Variants in HMGCL observed in about 807,000 individuals in gnomAD.
HMGCL encodes the protein hydroxymethylglutaryl-CoA lyase, mitochondrial.
Under a neutral mutation model 37.3 loss-of-function variants are expected in HMGCL, and 26 were observed. The observed-to-expected ratio is 0.70, with a 90% confidence interval of 0.51 to 0.97. The LOEUF (loss-of-function observed/expected upper bound fraction) is 0.97, where lower values mean the gene tolerates loss of function less well. HMGCL is among the 50% of genes least tolerant of loss of function. The pLI is 0.00. For missense variants in HMGCL, 379 were observed against 398.1 expected, an observed-to-expected ratio of 0.95 and a Z score of 0.41; for synonymous variants, 151 against 148.0, an observed-to-expected ratio of 1.02 and a Z score of -0.15.
At chr1:23,810,922 G>C (rs1185434809) in intron 5 of HMGCL, 123 bp from the exon 6 acceptor site, 1 of 757,712 alleles carries the variant, frequency 1.3e-6, no homozygotes, top group Non-Finnish European at 2.4e-6. Flanking sequence ...GCTGGGCGGA[G>C]TAAGGGCAGG....
intron 1 of HMGCL, among the ~76,000 whole-genome samples, chr1:23,824,298 T>C (rs1638777234): frequency 6.6e-6 from 1 of 152,204 alleles, no homozygotes; most frequent in Non-Finnish European, 1.5e-5. Context: ...GTGACAGAGC[T>C]TGGACTTGAA....
In HMGCL at chr1:23,817,520, C is replaced by G. The variant is rs121964996; in HGVS notation, c.208G>C (p.Val70Leu). ...IDMLSEAGLS[V>L]IETTSFVSPK... ...GACACAAAGCTGGTGGTTTCTATAA[C>G]AGAGAGTCCTGCTTCAGAAAGCATG... The change falls in exon 3 of 9, where the codon GTT (valine) becomes CTT (leucine). Residue 70 changes from valine to leucine, a missense_variant. By Grantham distance (32) the Val-to-Leu change is conservative. Coordinates refer to ENST00000374490, the MANE Select transcript of HMGCL (RefSeq NM_000191.3). 1.5e-5 allele frequency: 25 copies of G among 1,613,750 alleles called. No individual in the cohort carries two copies. The highest frequency in any genetic ancestry group is 2.0e-5 in the Non-Finnish European group (24 of 1,179,738).
rs1366864365 is a variant in HMGCL, at chr1:23,816,750, G to C, written c.273C>G (p.Val91=). ...WVPQMGDHTE[V]LKGIQKFPGI... Reference sequence around the variant, plus strand: ...CAGGAAACTTCTGAATGCCCTTCAAGACTTCAGTGTGGTCACCCATCTAGG... The same window carrying C: ...CAGGAAACTTCTGAATGCCCTTCAACACTTCAGTGTGGTCACCCATCTAGG... The change falls in exon 4 of 9, where the codon GTC becomes GTG. Residue 91 remains valine, a synonymous_variant. Coordinates refer to ENST00000374490, the MANE Select transcript of HMGCL (RefSeq NM_000191.3). 6.2e-7 allele frequency: 1 copy of C among 1,612,400 alleles called. No homozygotes were observed. The highest frequency in any genetic ancestry group is 8.5e-7 in the Non-Finnish European group (1 of 1,178,406).
Position 23,802,305 on chromosome 1 carries a change from C to T in HMGCL, c.*158G>A. On this transcript the variant is annotated 3_prime_UTR_variant, in exon 9 of 9. Transcript: ENST00000374490. The stretch of plus-strand genomic sequence containing the variant: ...CCTTCTGCCAAGCAGCTCCTCCTGC[C>T]CTTCGCCTGCTTTCTGCCAGGAGAG... The T allele has an allele frequency of 1.5e-6, 1 of 671,154 alleles. No individual in the cohort carries two copies. Among genetic ancestry groups the T allele is most frequent in the South Asian group, 1.6e-5 (1 of 60,948 alleles). 41.6% of individuals were successfully genotyped at this position (671,154 alleles called of 1,614,324 possible). A position where few individuals can be genotyped will look rare whatever the true frequency, so the allele number is the denominator to read the frequency against.
chr1:23,823,733 G>A (rs1638764921), intron 1 of HMGCL, among the ~76,000 whole-genome samples: 1 of 151,826 alleles, frequency 6.6e-6, no homozygotes, highest in Admixed American at 6.6e-5. Flanking sequence ...TTTACTGTAA[G>A]AAATCTAAGG....
Position 23,806,892 on chromosome 1 carries a change from T to C in HMGCL, c.750+1243A>G. 1 of 499,366 alleles carries C rather than the reference T, an allele frequency of 2.0e-6. No individual in the cohort carries two copies. Among genetic ancestry groups the C allele is most frequent in the Non-Finnish European group, 4.0e-6 (1 of 249,864 alleles). The allele number at this position is 499,366 out of a possible 1,614,324, so 30.9% of individuals were successfully genotyped here. A position where few individuals can be genotyped will look rare whatever the true frequency, so the allele number is the denominator to read the frequency against. The stretch of plus-strand genomic sequence containing the variant: ...TCTGTCTTCCCCACCCACCATAACA[T>C]GAGCTCCCAGAGGGCAGGGATTGGG... On this transcript the variant is annotated intron_variant, in intron 7 of 8. Transcript: ENST00000374490. This position sits in a 1 kb window ranked among gnomAD's most constrained non-coding sequence, Gnocchi z 4.0.
intron 1 of HMGCL, among the ~76,000 whole-genome samples, chr1:23,822,793 A>G (rs1638744094): frequency 6.6e-6 from 1 of 152,164 alleles, no homozygotes; most frequent in Non-Finnish European, 1.5e-5. Context: ...TGAGACAGGG[A>G]CTTTGTTTTA....
intron 1 of HMGCL, among the ~76,000 whole-genome samples, chr1:23,821,827 T>C (rs1638726941): frequency 6.6e-6 from 1 of 152,136 alleles, no homozygotes; most frequent in Non-Finnish European, 1.5e-5. Context: ...CTCTTCCCTC[T>C]GCCCCAGGGT....
intron 2 of HMGCL, among the ~76,000 whole-genome samples, chr1:23,819,711 AGAGT>A (rs1257393613): frequency 1.3e-5 from 2 of 152,306 alleles, no homozygotes; most frequent in Non-Finnish European, 2.9e-5. Context: ...CCTGGGTGAC[AGAGT>A]GAGATGCCAT....
intron 5 of HMGCL, chr1:23,813,733 T>C (rs914585095): frequency 9.3e-6 from 2 of 214,770 alleles, no homozygotes; most frequent in Non-Finnish European, 1.9e-5. Context: ...ACCACTGATA[T>C]TAGAGATGTG....
chr1:23,817,238 C>T (rs1638628505), intron 3 of HMGCL, among the ~76,000 whole-genome samples: 1 of 152,164 alleles, frequency 6.6e-6, no homozygotes. Flanking sequence ...ATCTCTAACA[C>T]TGAGGAGGGG....
At chr1:23,807,350 C>G in intron 7 of HMGCL, 1 of 455,864 alleles carries the variant, frequency 2.2e-6, no homozygotes, top group Non-Finnish European at 4.3e-6. Flanking sequence ...CTGAGGAAAC[C>G]GACCCAGAAC....
At chr1:23,816,908 C>T (rs1638623501) in intron 3 of HMGCL, 138 bp from the exon 4 acceptor site, 1 of 717,034 alleles carries the variant, frequency 1.4e-6, no homozygotes, top group East Asian at 2.6e-5. Flanking sequence ...TGAGTCTCTC[C>T]AATACTTTTA....
intron 5 of HMGCL, among the ~76,000 whole-genome samples, chr1:23,812,158 G>A (rs1036212017): frequency 4.6e-5 from 7 of 152,082 alleles, no homozygotes; most frequent in Non-Finnish European, 1.0e-4. Context: ...TGGAGTGCAC[G>A]GTCTAGTGGG....
chr1:23,824,676 G>A (rs948299220), intron 1 of HMGCL, among the ~76,000 whole-genome samples: 1 of 152,214 alleles, frequency 6.6e-6, no homozygotes, highest in East Asian at 1.9e-4. Context: ...AACCCCAAGG[G>A]AATGTTGTCC....
At position 23,804,390 on chromosome 1, in the gene HMGCL, G is replaced by C; in HGVS notation, c.876+10C>G. 1 of 1,614,124 alleles carries C rather than the reference G, an allele frequency of 6.2e-7. No individual in the cohort carries two copies. On this transcript the variant is annotated intron_variant, in intron 8 of 8. Coordinates refer to ENST00000374490, the MANE Select transcript of HMGCL (RefSeq NM_000191.3). Reference sequence around the variant, plus strand: ...CGGGGCTGTCGCCACCAGGGGGTGGGTGGGCTTACCGTGTGAATGCCCAAG... The same window carrying C: ...CGGGGCTGTCGCCACCAGGGGGTGGCTGGGCTTACCGTGTGAATGCCCAAG...
At chr1:23,815,228 G>A (rs1638591491) in intron 4 of HMGCL, among the ~76,000 whole-genome samples, 1 of 151,700 alleles carries the variant, frequency 6.6e-6, no homozygotes, top group Non-Finnish European at 1.5e-5. Flanking sequence ...AACAAAAGAT[G>A]GCCAAGTGAA....
chr1:23,802,673 A>G, intron 8 of HMGCL, 109 bp from the exon 9 acceptor site: 1 of 800,016 alleles, frequency 1.2e-6, no homozygotes. Context: ...AGGTGAAGAT[A>G]AACAGGCTTT....
rs1158668639 is a variant in HMGCL, at chr1:23,810,888, A to G, written c.498-89T>C. On this transcript the variant is annotated intron_variant, in intron 5 of 8. Transcript: ENST00000374490. ...CAGGGCTGTTTAACACACATTTCTG[A>G]TCAGTGTGCAATCAACACCTGCAGC... 5.8e-6 allele frequency: 6 copies of G among 1,029,594 alleles called. No individual in the cohort carries two copies. In the African/African-American group the frequency reaches 6.3e-5, roughly 11 times the overall value. 63.8% of individuals were successfully genotyped at this position (1,029,594 alleles called of 1,614,324 possible). A position where few individuals can be genotyped will look rare whatever the true frequency, so the allele number is the denominator to read the frequency against.
Sources: gnomAD v4.1 joint callset for allele counts (sites outside exome capture counted in the v4.1 genomes callset) on GRCh38, gnomAD v4.1.1 for gene constraint, Gnocchi (gnomAD v3.1) non-coding constraint, MANE v1.5 for transcripts, NCBI Gene and HGNC (gene_info 2026-07-23, HGNC 2026-07-21) for gene names.